Variants in ZBTB34 observed in about 807,000 individuals in gnomAD.
ZBTB34 encodes zinc finger and BTB domain-containing protein 34.
Under a neutral mutation model 33.4 loss-of-function variants are expected in ZBTB34, and 1 was observed. That is an observed-to-expected ratio of 0.03 (90% CI 0.01 to 0.14). The LOEUF (loss-of-function observed/expected upper bound fraction) is 0.14, where lower values mean the gene tolerates loss of function less well. Ranked by LOEUF, ZBTB34 falls within the 10% of genes least tolerant of loss-of-function variation. ZBTB34 has a pLI of 1.00. For synonymous variants in ZBTB34, 283 were observed against 253.5 expected (o/e 1.12, Z -1.11); for missense variants, 406 against 657.2 (o/e 0.62, Z 4.18).
intron 1 of ZBTB34, among the ~76,000 whole-genome samples, chr9:126,875,311 C>T (rs556561371): frequency 6.6e-6 from 1 of 152,264 alleles, no homozygotes; most frequent in African/African-American, 2.4e-5. Flanking sequence ...CATTAAATTA[C>T]ACATGCAGTG....
chr9:126,871,296 TC>T, intron 1 of ZBTB34, among the ~76,000 whole-genome samples: 1 of 151,634 alleles, frequency 6.6e-6, no homozygotes, highest in African/African-American at 2.4e-5. Flanking sequence ...GATATAGCCA[TC>T]CATGGAATAC....
At position 126,879,356 on chromosome 9, in the gene ZBTB34, A is replaced by G. The variant is rs779665707; in HGVS notation, c.-10-34A>G. The G allele has an allele frequency of 3.9e-6, 6 of 1,544,820 alleles. No individual in the cohort carries two copies. The highest frequency in any genetic ancestry group is 1.4e-5 in the African/African-American group (1 of 73,394). On this transcript the variant is annotated intron_variant, in intron 1 of 1. Coordinates refer to ENST00000319119, the Ensembl canonical transcript of ZBTB34. This position sits in a 1 kb window ranked among gnomAD's most constrained non-coding sequence, Gnocchi z 6.4. ...TGCCACTTGTACTTAGTGAGGAGTC[A>G]TTGGTGAATGATGCAAACTCTCTCT... is the stretch of plus-strand genomic sequence containing the variant.
intron 1 of ZBTB34, among the ~76,000 whole-genome samples, chr9:126,866,840 G>A (rs1233213360): frequency 6.6e-6 from 1 of 152,100 alleles, no homozygotes; most frequent in Non-Finnish European, 1.5e-5. Flanking sequence ...AATAAAGTCT[G>A]TTTCCCTTCC....
intron 1 of ZBTB34, among the ~76,000 whole-genome samples, chr9:126,877,811 C>G (rs1175556544): frequency 6.6e-6 from 1 of 152,026 alleles, no homozygotes; most frequent in Non-Finnish European, 1.5e-5. Context: ...TCGAGACCAG[C>G]CTGGCTAACA....
exon 2 of ZBTB34, chr9:126,884,313 G>A (rs1483823772): frequency 6.0e-6 from 1 of 166,958 alleles, no homozygotes; most frequent in Admixed American, 6.5e-5. Flanking sequence ...ATTCTAATCA[G>A]TTCTCTACCC....
rs1564226370 is a variant in ZBTB34, at chr9:126,880,280, C to T, written c.881C>T (p.Ser294Leu). ...GCATACTCCTATTCCCAAGCAGCCT[C>T]ACAGCCAACCAATGTATCAGAAGCT... The change falls in exon 2 of 2, where the codon TCA becomes TTA. Residue 294 changes from serine to leucine, a missense_variant. Around this residue, in one of 6 missense-constraint regions of ZBTB34, gnomAD observed 123 missense variants for 140.4 expected, o/e 0.88. Coordinates refer to ENST00000319119, the Ensembl canonical transcript of ZBTB34. This position sits in a 1 kb window ranked among gnomAD's most constrained non-coding sequence, Gnocchi z 6.7. The T allele has an allele frequency of 6.2e-7, 1 of 1,613,980 alleles. No homozygotes were observed. Among genetic ancestry groups the T allele is most frequent in the Non-Finnish European group, 8.5e-7 (1 of 1,179,908 alleles).
chr9:126,881,238 C>T, exon 2 of ZBTB34: 1 of 277,682 alleles, frequency 3.6e-6, no homozygotes, highest in Non-Finnish European at 7.3e-6. Context: ...AAGAGGCATA[C>T]TCTTTCTCAT....
rs1430276539 is a variant in ZBTB34, at chr9:126,879,298, C to A, written c.-10-92C>A. On this transcript the variant is annotated intron_variant, in intron 1 of 1. Transcript: ENST00000319119. The surrounding 1 kb of genome is among the most constrained non-coding windows in gnomAD (Gnocchi z 6.4). ...GGTAGATTTTAGGAGGTATGATAGC[C>A]ACAATGGTATTGTTGTTGTAAGCTT... 6 of 1,044,322 alleles carry A rather than the reference C, an allele frequency of 5.7e-6. No individual in the cohort carries two copies. The highest frequency in any genetic ancestry group is 8.4e-6 in the Non-Finnish European group (6 of 717,688). The allele number at this position is 1,044,322 out of a possible 1,614,324, so 64.7% of individuals were successfully genotyped here.
chr9:126,883,969 C>T (rs962712733), exon 2 of ZBTB34: 10 of 167,192 alleles, frequency 6.0e-5, no homozygotes, highest in East Asian at 1.9e-4. Context: ...TCTCCGCAGA[C>T]GAAGTACGCT....
At chr9:126,871,366 C>CT (rs575246185) in intron 1 of ZBTB34, among the ~76,000 whole-genome samples, 15,481 of 137,008 alleles carry the variant, frequency 0.11, 1,273 homozygotes, top group East Asian at 0.42. Flanking sequence ...GATTTTTTTT[C>CT]TTTTTTTTTT....
upstream of ZBTB34, chr9:126,860,658 G>T (rs2033129207): frequency 2.0e-5 from 3 of 148,536 alleles, no homozygotes; most frequent in South Asian, 5.3e-4. Context: ...GGCGGCAGCC[G>T]GAGCGGCGGG....
chr9:126,881,943 G>A (rs2033447525), exon 2 of ZBTB34: 1 of 166,818 alleles, frequency 6.0e-6, no homozygotes, highest in Non-Finnish European at 1.5e-5. Context: ...TCTCCAAGCA[G>A]TGTTGTGGTT....
At chr9:126,876,504 T>C (rs1350558242) in intron 1 of ZBTB34, among the ~76,000 whole-genome samples, 1 of 151,970 alleles carries the variant, frequency 6.6e-6, no homozygotes, top group Admixed American at 6.6e-5. Flanking sequence ...GTAGACATCC[T>C]TACATTTGTG....
chr9:126,881,534 A>G (rs1480339091), exon 2 of ZBTB34: 1 of 166,896 alleles, frequency 6.0e-6, no homozygotes, highest in East Asian at 1.9e-4. Flanking sequence ...TTGCCCCTTC[A>G]TTTCCCTTAC....
exon 2 of ZBTB34, chr9:126,882,413 C>G (rs1023381763): frequency 6.0e-6 from 1 of 167,084 alleles, no homozygotes; most frequent in Non-Finnish European, 1.5e-5. Flanking sequence ...TGAAAACATA[C>G]CTGAGTCCAT....
At chr9:126,872,903 G>A (rs944396579) in intron 1 of ZBTB34, among the ~76,000 whole-genome samples, 1 of 152,134 alleles carries the variant, frequency 6.6e-6, no homozygotes, top group Admixed American at 6.5e-5. Flanking sequence ...TAATCATGGC[G>A]TTCCGTTTTT....
At chr9:126,868,713 T>C (rs1258188700) in intron 1 of ZBTB34, among the ~76,000 whole-genome samples, 1 of 152,242 alleles carries the variant, frequency 6.6e-6, no homozygotes, top group Non-Finnish European at 1.5e-5. Context: ...GTCTCAATGC[T>C]GCTTTGAATT....
intron 1 of ZBTB34, among the ~76,000 whole-genome samples, chr9:126,877,715 A>G (rs1352375427): frequency 1.3e-5 from 2 of 152,180 alleles, no homozygotes; most frequent in Non-Finnish European, 2.9e-5. Context: ...GTTTAAAAAC[A>G]CTGTCTTGGC....
intron 1 of ZBTB34, among the ~76,000 whole-genome samples, chr9:126,866,129 T>A (rs1298565930): frequency 6.6e-6 from 1 of 152,120 alleles, no homozygotes; most frequent in Non-Finnish European, 1.5e-5. Context: ...CTCTCTTTTT[T>A]TTTTCCCTCC....
Sources: gnomAD v4.1 joint callset for allele counts (sites outside exome capture counted in the v4.1 genomes callset) on GRCh38, gnomAD v4.1.1 for gene constraint, gnomAD v4.1.1 regional missense constraint, Gnocchi (gnomAD v3.1) non-coding constraint, MANE v1.5 for transcripts, NCBI Gene and HGNC (gene_info 2026-07-23, HGNC 2026-07-21) for gene names.